The following PKIB variants were observed in gnomAD, a reference collection of about 807,000 sequenced individuals.
The protein encoded by PKIB is PKI-beta.
PKIB carries 2 observed loss-of-function variants against 4.5 expected under a neutral mutation model. That is an observed-to-expected ratio of 0.44 (90% CI 0.18 to 1.39). The LOEUF is 1.39. Ranked by LOEUF, PKIB falls within the 40% of genes most tolerant of loss-of-function variation. PKIB has a pLI of 0.27. For synonymous variants in PKIB, 38 were observed against 36.0 expected, an observed-to-expected ratio of 1.06 and a Z score of -0.20; for missense variants, 94 against 92.6, an observed-to-expected ratio of 1.02 and a Z score of -0.06.
chr6:122,479,421 A>G (rs573184521), intron 2 of PKIB: 3 of 152,360 alleles, frequency 2.0e-5, no homozygotes, highest in African/African-American at 4.8e-5. Flanking sequence ...CTAGGAAACA[A>G]CATGTAGTAT....
chr6:122,625,689 A>G (rs1265217176), intron 1 of PKIB, among the ~76,000 whole-genome samples: 2 of 152,098 alleles, frequency 1.3e-5, no homozygotes, highest in South Asian at 2.1e-4. Flanking sequence ...TTAAAAAGCT[A>G]TGAAAATGTA....
At chr6:122,687,948 A>T (rs928699750) in intron 3 of PKIB, among the ~76,000 whole-genome samples, 23 of 150,908 alleles carry the variant, frequency 1.5e-4, no homozygotes, top group East Asian at 5.8e-4. Flanking sequence ...TTTTTTTTTT[A>T]AATTTTATTT....
chr6:122,539,250 G>A (rs1269202447), intron 2 of PKIB, among the ~76,000 whole-genome samples: 5 of 151,980 alleles, frequency 3.3e-5, no homozygotes, highest in Non-Finnish European at 7.4e-5. Context: ...GGGCATCCCT[G>A]TCTTGTGCCA....
At chr6:122,521,748 G>A (rs1776954822) in intron 2 of PKIB, among the ~76,000 whole-genome samples, 1 of 152,072 alleles carries the variant, frequency 6.6e-6, no homozygotes, top group African/African-American at 2.4e-5. Flanking sequence ...TTTTCCATCA[G>A]CTCCTGAGGC....
At chr6:122,605,810 G>A (rs1411208596), upstream of PKIB, among the ~76,000 whole-genome samples, 1 of 152,164 alleles carries the variant, frequency 6.6e-6, no homozygotes, top group Non-Finnish European at 1.5e-5. Context: ...ACTCTGGGCA[G>A]CTCTAATCTT....
chr6:122,529,531 A>G (rs889441665), intron 2 of PKIB, among the ~76,000 whole-genome samples: 4 of 152,116 alleles, frequency 2.6e-5, no homozygotes, highest in Admixed American at 2.6e-4. Flanking sequence ...ATATTTTCAC[A>G]TCGTGTCAAA....
intron 3 of PKIB, among the ~76,000 whole-genome samples, chr6:122,679,820 C>T (rs1362073273): frequency 6.6e-6 from 1 of 152,154 alleles, no homozygotes; most frequent in Non-Finnish European, 1.5e-5. Flanking sequence ...CATTGTCACA[C>T]TTCATCATCT....
At chr6:122,540,676 C>A (rs1007321523) in intron 2 of PKIB, among the ~76,000 whole-genome samples, 9 of 152,024 alleles carry the variant, frequency 5.9e-5, no homozygotes, top group African/African-American at 2.2e-4. Flanking sequence ...GGGTGGAGAG[C>A]TCTGTAGATG....
At chr6:122,562,668 T>C (rs562896397) in intron 2 of PKIB, among the ~76,000 whole-genome samples, 18 of 152,316 alleles carry the variant, frequency 1.2e-4, no homozygotes, top group African/African-American at 4.3e-4. Flanking sequence ...TTCTTTTTTC[T>C]TTGTCTTTAT....
At chr6:122,585,272 G>A (rs1010308411) in intron 2 of PKIB, among the ~76,000 whole-genome samples, 9 of 152,096 alleles carry the variant, frequency 5.9e-5, no homozygotes, top group Non-Finnish European at 1.3e-4. Context: ...TTTAAGACTT[G>A]TCTGCCCTGC....
chr6:122,528,634 A>G (rs749297672), intron 2 of PKIB, among the ~76,000 whole-genome samples: 4 of 152,254 alleles, frequency 2.6e-5, no homozygotes, highest in East Asian at 3.9e-4. Flanking sequence ...GCTCATGCCT[A>G]TAATCCTAGC....
At chr6:122,543,586 G>A (rs1434337567) in intron 2 of PKIB, among the ~76,000 whole-genome samples, 1 of 151,798 alleles carries the variant, frequency 6.6e-6, no homozygotes, top group African/African-American at 2.4e-5. Flanking sequence ...CATCATGTTG[G>A]CCAGACTGGT....
chr6:122,690,495 A>G (rs896738625), intron 3 of PKIB, among the ~76,000 whole-genome samples: 1 of 152,114 alleles, frequency 6.6e-6, no homozygotes, highest in Admixed American at 6.5e-5. Flanking sequence ...GCCTAACACT[A>G]ATTGCATAAA....
At chr6:122,607,442 T>G (rs1185043063), upstream of PKIB, among the ~76,000 whole-genome samples, 1 of 152,088 alleles carries the variant, frequency 6.6e-6, no homozygotes, top group Non-Finnish European at 1.5e-5. Flanking sequence ...TGCTTGAGCC[T>G]GGGGGGCCAA....
At chr6:122,562,617 G>C (rs114175004) in intron 2 of PKIB, among the ~76,000 whole-genome samples, 3 of 152,058 alleles carry the variant, frequency 2.0e-5, no homozygotes, top group African/African-American at 4.8e-5. Context: ...GTCATTTAAC[G>C]TAATCCCAGA....
intron 3 of PKIB, among the ~76,000 whole-genome samples, chr6:122,677,882 CCTTCCTTCCTTT>C (rs375344252): frequency 0.079 from 4,165 of 52,956 alleles, 102 homozygotes; most frequent in Admixed American, 0.11. Flanking sequence ...TTCCTTCCTT[CCTTCCTTCCTTT>C]CTTTCTTTCT....
chr6:122,678,718 T>G (rs1376116663), intron 3 of PKIB, among the ~76,000 whole-genome samples: 2 of 152,194 alleles, frequency 1.3e-5, no homozygotes, highest in East Asian at 3.9e-4. Flanking sequence ...TGAAAATTGT[T>G]GCAGGAATGT....
At chr6:122,653,785 AC>A (rs1246054557) in intron 2 of PKIB, among the ~76,000 whole-genome samples, 3 of 152,012 alleles carry the variant, frequency 2.0e-5, no homozygotes, top group African/African-American at 7.2e-5. Context: ...ACATGGTGAA[AC>A]CCTGTCTCTA....
At chr6:122,558,848 C>A (rs71571159) in intron 2 of PKIB, among the ~76,000 whole-genome samples, 17,158 of 152,142 alleles carry the variant, frequency 0.11, 1,230 homozygotes, top group East Asian at 0.21. Context: ...GTGCACCCAT[C>A]ACCGGAGCAG....
Sources: gnomAD v4.1 joint callset for allele counts (sites outside exome capture counted in the v4.1 genomes callset) on GRCh38, gnomAD v4.1.1 for gene constraint, MANE v1.5 for transcripts, NCBI Gene and HGNC (gene_info 2026-07-23, HGNC 2026-07-21) for gene names.